The following SLC6A6 variants were observed in gnomAD, a reference collection of about 807,000 sequenced individuals.
SLC6A6 encodes solute carrier family 6 member 6.
SLC6A6 carries 16 observed loss-of-function variants against 68.8 expected under a neutral mutation model. The ratio of observed to expected loss-of-function variants is 0.23; its 90% CI spans 0.16 to 0.35. The LOEUF (loss-of-function observed/expected upper bound fraction) is 0.35. Among genes scored for constraint, SLC6A6 ranks in the 10% least tolerant of loss-of-function variants. The pLI, the probability that SLC6A6 is intolerant of heterozygous loss-of-function variation, is 1.00. For missense variants in SLC6A6, 474 were observed against 802.8 expected, an observed-to-expected ratio of 0.59 and a Z score of 4.95; for synonymous variants, 312 against 315.4, an observed-to-expected ratio of 0.99 and a Z score of 0.12.
Position 14,468,570 on chromosome 3 carries a change from C to A in SLC6A6, c.1096+358C>A, listed in dbSNP as rs572768088. On this transcript the variant is annotated intron_variant, in intron 9 of 14. Coordinates refer to ENST00000622186, the MANE Select transcript of SLC6A6 (RefSeq NM_003043.6). This position sits in a 1 kb window ranked among gnomAD's most constrained non-coding sequence, Gnocchi z 4.5. Reference sequence around the variant, plus strand: ...ACTCAGGCCCAAGTCAGCCACCAATCGGCATTCCATCACCACCTTCTCAGC... The same window carrying A: ...ACTCAGGCCCAAGTCAGCCACCAATAGGCATTCCATCACCACCTTCTCAGC... Among the ~76,000 whole-genome samples the A allele has an allele frequency of 6.6e-6, 1 of 152,030 alleles. No individual in the cohort carries two copies. Among genetic ancestry groups the A allele is most frequent in the Non-Finnish European group, 1.5e-5 (1 of 67,996 alleles).
chr3:14,477,338 C>T lies in SLC6A6; in HGVS notation c.1343C>T (p.Thr448Met), dbSNP rs201003777. 17 of 1,613,950 alleles carry T rather than the reference C, an allele frequency of 1.1e-5. No homozygotes were observed. Among genetic ancestry groups the T allele is most frequent in the African/African-American group, 5.3e-5 (4 of 75,060 alleles). Residue 448 changes from threonine to methionine, a missense_variant, in exon 11 of 15, where the codon ACG becomes ATG. Physicochemically the swap from Thr to Met is moderately conservative, Grantham distance 81. Transcript: ENST00000622186. The surrounding 1 kb of genome is among the most constrained non-coding windows in gnomAD (Gnocchi z 4.2). ...ISYLLGLTMV[T>M]EGGMYVFQLF... Reference sequence around the variant, plus strand: ...TACCTGCTGGGGCTGACGATGGTGACGGAGGTAGGTGGCTCTCTCAGCTGT... The same window carrying T: ...TACCTGCTGGGGCTGACGATGGTGATGGAGGTAGGTGGCTCTCTCAGCTGT...
chr3:14,406,745 C>T (rs369642575), intron 1 of SLC6A6, among the ~76,000 whole-genome samples: 1 of 152,140 alleles, frequency 6.6e-6, no homozygotes, highest in Non-Finnish European at 1.5e-5. Flanking sequence ...GTTAGGGTTA[C>T]GAGAGGGAAA....
rs746525452 is a variant in SLC6A6, at chr3:14,485,019, T to TCGA, written c.*15_*17dup. On this transcript the variant is annotated 3_prime_UTR_variant, in exon 15 of 15. Coordinates refer to ENST00000622186, the MANE Select transcript of SLC6A6 (RefSeq NM_003043.6). ...AGACCATGATGTGAGCTCTCTCGGGTCGACGGGGCCGGCGGCTTTCCTGCT... is the reference window on the plus strand; with the variant it reads ...AGACCATGATGTGAGCTCTCTCGGGTCGACGACGGGGCCGGCGGCTTTCCTGCT... 6.6e-5 allele frequency: 106 copies of TCGA among 1,597,766 alleles called. 1 individual carries two copies. The Middle Eastern group carries it at 1.5e-3, about 23-fold the overall frequency.
At chr3:14,403,035 C>A (rs1477887201) in intron 1 of SLC6A6, among the ~76,000 whole-genome samples, 188 bp downstream of exon 1, 1 of 152,016 alleles carries the variant, frequency 6.6e-6, no homozygotes, top group African/African-American at 2.4e-5. Context: ...GTTATTGTTT[C>A]CCCGGCAAAA....
intron 1 of SLC6A6, among the ~76,000 whole-genome samples, chr3:14,409,866 A>G (rs1163425466): frequency 6.6e-6 from 1 of 152,170 alleles, no homozygotes; most frequent in East Asian, 1.9e-4. Context: ...GGAGGCACTT[A>G]TCAACACAGG....
At chr3:14,433,675 G>GCA (rs757888748) in intron 2 of SLC6A6, among the ~76,000 whole-genome samples, 41,734 of 151,342 alleles carry the variant, frequency 0.28, 5,799 homozygotes, top group South Asian at 0.32. Flanking sequence ...GTGGTGGCAG[G>GCA]CACCTGTAAT....
chr3:14,422,793 C>G (rs985465494), intron 2 of SLC6A6, among the ~76,000 whole-genome samples: 1 of 152,208 alleles, frequency 6.6e-6, no homozygotes, highest in Non-Finnish European at 1.5e-5. Flanking sequence ...AAAGGACTCA[C>G]GCCTCCTACC....
intron 1 of SLC6A6, among the ~76,000 whole-genome samples, chr3:14,406,670 TC>T: frequency 6.6e-6 from 1 of 152,308 alleles, no homozygotes; most frequent in Middle Eastern, 3.4e-3. Context: ...GAGTTTCCTT[TC>T]CTGCCTTACC....
chr3:14,428,871 A>T (rs1194536833), intron 2 of SLC6A6, among the ~76,000 whole-genome samples: 5 of 152,104 alleles, frequency 3.3e-5, no homozygotes, highest in Non-Finnish European at 7.4e-5. Context: ...TCCACTGGAG[A>T]AAGTGACTCC....
At chr3:14,416,876 C>T (rs1490220999) in intron 2 of SLC6A6, among the ~76,000 whole-genome samples, 2 of 152,270 alleles carry the variant, frequency 1.3e-5, no homozygotes, top group Admixed American at 6.5e-5. Context: ...CAGGGTCACA[C>T]TCTGTCGCCT....
chr3:14,470,415 G>A (rs1485901389), intron 9 of SLC6A6, among the ~76,000 whole-genome samples: 2 of 152,204 alleles, frequency 1.3e-5, no homozygotes, highest in African/African-American at 4.8e-5. Context: ...TTGTCTGCTA[G>A]CAGAGAGGCA....
chr3:14,451,412 G>A (rs1171529261), intron 5 of SLC6A6, among the ~76,000 whole-genome samples: 1 of 152,216 alleles, frequency 6.6e-6, no homozygotes, highest in Non-Finnish European at 1.5e-5. Context: ...TAGGTAGGAG[G>A]AACAGCCCAT....
At chr3:14,415,712 AC>A (rs535564149) in intron 1 of SLC6A6, among the ~76,000 whole-genome samples, 3 of 148,694 alleles carry the variant, frequency 2.0e-5, no homozygotes, top group African/African-American at 5.0e-5. Context: ...AGACAACAGA[AC>A]CCCCCCGCTC....
intron 5 of SLC6A6, among the ~76,000 whole-genome samples, chr3:14,451,892 GTTGGTC>G (rs1700260078): frequency 6.6e-6 from 1 of 152,200 alleles, no homozygotes; most frequent in South Asian, 2.1e-4. Context: ...ACCCTCGAAG[GTTGGTC>G]TTGGTGACCC....
At chr3:14,448,117 T>G in intron 5 of SLC6A6, 1 of 1,079,758 alleles carries the variant, frequency 9.3e-7, no homozygotes, top group Non-Finnish European at 1.2e-6. Flanking sequence ...CATACTTATG[T>G]TGTCTAAAAA....
At chr3:14,406,184 A>G (rs1188629235) in intron 1 of SLC6A6, among the ~76,000 whole-genome samples, 2 of 152,084 alleles carry the variant, frequency 1.3e-5, no homozygotes, top group Middle Eastern at 3.2e-3. Flanking sequence ...TTATTTTTTC[A>G]CATATAAAAA....
chr3:14,447,276 C>A (rs1002348724), intron 4 of SLC6A6, among the ~76,000 whole-genome samples: 60 of 142,192 alleles, frequency 4.2e-4, no homozygotes, highest in Admixed American at 1.7e-3. Context: ...AAACATCCAA[C>A]CATCCAACCA....
At chr3:14,417,272 G>A (rs901132114) in intron 2 of SLC6A6, among the ~76,000 whole-genome samples, 16 of 152,314 alleles carry the variant, frequency 1.1e-4, no homozygotes, top group Non-Finnish European at 1.3e-4. Context: ...TATGCCCTTC[G>A]TTGAGATTTT....
intron 2 of SLC6A6, among the ~76,000 whole-genome samples, chr3:14,440,324 A>G (rs6786889): frequency 0.52 from 78,656 of 151,788 alleles, 20,581 homozygotes; most frequent in South Asian, 0.62. Context: ...GGCAGCTGGC[A>G]GGGAGCCAGG....
Sources: allele counts gnomAD v4.1 joint callset (sites outside exome capture counted in the v4.1 genomes callset), GRCh38; gene constraint gnomAD v4.1.1; non-coding constraint Gnocchi (gnomAD v3.1); transcripts MANE v1.5; gene names NCBI Gene and HGNC (gene_info 2026-07-23, HGNC 2026-07-21).